The following COL23A1 variants were observed in gnomAD, a reference collection of about 807,000 sequenced individuals.
COL23A1 encodes collagen type XXIII alpha 1 chain, also known as collagen alpha-1(XXIII) chain.
COL23A1 carries 97 observed loss-of-function variants against 99.3 expected under a neutral mutation model. The observed-to-expected ratio is 0.98, with a 90% CI of 0.83 to 1.16. The LOEUF (loss-of-function observed/expected upper bound fraction) is 1.16. Among genes scored for constraint, COL23A1 ranks in the 50% most tolerant of loss-of-function variants. The pLI is 0.00. For synonymous variants in COL23A1, 320 were observed against 308.2 expected, an observed-to-expected ratio of 1.04 and a Z score of -0.40; for missense variants, 762 against 757.4, an observed-to-expected ratio of 1.01 and a Z score of -0.07.
intron 2 of COL23A1, among the ~76,000 whole-genome samples, chr5:178,465,113 G>A (rs934571101): frequency 6.6e-6 from 1 of 152,198 alleles, no homozygotes; most frequent in African/African-American, 2.4e-5. Context: ...GTCTTATTAA[G>A]TGCTCCTGAC....
intron 2 of COL23A1, among the ~76,000 whole-genome samples, chr5:178,556,877 C>T (rs1034788186): frequency 9.9e-5 from 15 of 151,216 alleles, no homozygotes; most frequent in Admixed American, 5.9e-4. Flanking sequence ...CGCTTGAATA[C>T]GGGAGGCAGA....
chr5:178,276,472 G>C (rs577361142), intron 5 of COL23A1, among the ~76,000 whole-genome samples: 8 of 152,214 alleles, frequency 5.3e-5, no homozygotes, highest in Non-Finnish European at 1.2e-4. Flanking sequence ...TTACACCCCA[G>C]ATGTTGACAA....
chr5:178,356,511 C>T (rs1410918694), intron 2 of COL23A1, among the ~76,000 whole-genome samples: 2 of 152,120 alleles, frequency 1.3e-5, no homozygotes, highest in African/African-American at 2.4e-5. Flanking sequence ...GGGGCCTGAG[C>T]CCTGGAGGCA....
chr5:178,502,206 A>G (rs1217163678), intron 2 of COL23A1, among the ~76,000 whole-genome samples: 1 of 152,106 alleles, frequency 6.6e-6, no homozygotes, highest in South Asian at 2.1e-4. Flanking sequence ...ATCTCGGCCC[A>G]CTGCAAGCTC....
intron 2 of COL23A1, among the ~76,000 whole-genome samples, chr5:178,460,708 C>T (rs189444661): frequency 1.3e-5 from 2 of 152,312 alleles, no homozygotes; most frequent in East Asian, 3.9e-4. Flanking sequence ...AATCCCTTTG[C>T]CCTGCTTTTC....
At chr5:178,393,293 C>T (rs1424887073) in intron 2 of COL23A1, among the ~76,000 whole-genome samples, 2 of 152,028 alleles carry the variant, frequency 1.3e-5, no homozygotes, top group East Asian at 1.9e-4. Flanking sequence ...GAAGAAGTCA[C>T]GGAAGGACAA....
chr5:178,466,562 GC>G (rs1756433489), intron 2 of COL23A1, among the ~76,000 whole-genome samples: 1 of 152,178 alleles, frequency 6.6e-6, no homozygotes, highest in Non-Finnish European at 1.5e-5. Flanking sequence ...CTCACCTTGA[GC>G]CCTGATGTCA....
At chr5:178,277,660 T>G (rs911291491) in intron 5 of COL23A1, among the ~76,000 whole-genome samples, 1 of 152,178 alleles carries the variant, frequency 6.6e-6, no homozygotes, top group Non-Finnish European at 1.5e-5. Flanking sequence ...TGGCTTCTAT[T>G]TTGGGGAGAG....
chr5:178,361,876 T>C (rs892160559), intron 2 of COL23A1, among the ~76,000 whole-genome samples: 8 of 152,074 alleles, frequency 5.3e-5, no homozygotes, highest in Admixed American at 2.6e-4. Context: ...AGGCTCCACA[T>C]CCTGACATTC....
intron 2 of COL23A1, among the ~76,000 whole-genome samples, chr5:178,372,983 G>A (rs1296932832): frequency 6.9e-6 from 1 of 145,084 alleles, no homozygotes; most frequent in East Asian, 2.0e-4. Context: ...AGGCTGGAGT[G>A]CAGTGTGCAA....
At chr5:178,263,820 G>A (rs1043572821) in intron 8 of COL23A1, among the ~76,000 whole-genome samples, 4 of 152,170 alleles carry the variant, frequency 2.6e-5, no homozygotes, top group Non-Finnish European at 2.9e-5. Context: ...CCTTTGGTAG[G>A]TGGAAGGTTA....
At chr5:178,513,386 C>A (rs1397778412) in intron 2 of COL23A1, among the ~76,000 whole-genome samples, 2 of 152,316 alleles carry the variant, frequency 1.3e-5, no homozygotes. Flanking sequence ...CAAGACCACA[C>A]AGCTGGAAAG....
At chr5:178,295,568 G>C (rs989570728) in intron 3 of COL23A1, among the ~76,000 whole-genome samples, 5 of 152,188 alleles carry the variant, frequency 3.3e-5, no homozygotes, top group Admixed American at 3.3e-4. Context: ...AGAGTGATCT[G>C]GCAATACTAA....
intron 5 of COL23A1, among the ~76,000 whole-genome samples, chr5:178,276,525 G>A (rs1756592520): frequency 6.6e-6 from 1 of 152,198 alleles, no homozygotes. Flanking sequence ...GTCCCAGCCT[G>A]GGAAGTGCAC....
intron 2 of COL23A1, among the ~76,000 whole-genome samples, chr5:178,356,626 A>G (rs1761668997): frequency 6.6e-6 from 1 of 152,156 alleles, no homozygotes; most frequent in African/African-American, 2.4e-5. Flanking sequence ...ACAGGAAAAA[A>G]AAGGCAAAGG....
intron 3 of COL23A1, among the ~76,000 whole-genome samples, chr5:178,302,500 C>T (rs1206700151): frequency 6.6e-6 from 1 of 152,250 alleles, no homozygotes; most frequent in African/African-American, 2.4e-5. Flanking sequence ...TGCTGGAGCA[C>T]GGCTTCGATG....
In COL23A1 at chr5:178,439,310, C is replaced by T. The variant is rs898741141; in HGVS notation, c.361+121372G>A. The T allele has an allele frequency of 9.2e-5, 14 of 152,250 alleles. No individual in the cohort carries two copies. The highest frequency in any genetic ancestry group is 3.4e-4 in the African/African-American group (14 of 41,438). 9.4% of individuals were successfully genotyped at this position (152,250 alleles called of 1,614,324 possible). A position where few individuals can be genotyped will look rare whatever the true frequency, so the allele number is the denominator to read the frequency against. On this transcript the variant is annotated intron_variant, in intron 2 of 28. Transcript: ENST00000390654. This position sits in a 1 kb window ranked among gnomAD's most constrained non-coding sequence, Gnocchi z 4.2. Reference sequence around the variant, plus strand: ...CTCCCAAGTCACCTCCATCTTTTCTCTCTCAGCCACTTGCTGATTGAGGCT... The same window carrying T: ...CTCCCAAGTCACCTCCATCTTTTCTTTCTCAGCCACTTGCTGATTGAGGCT...
chr5:178,467,543 C>T (rs1007049015), intron 2 of COL23A1, among the ~76,000 whole-genome samples: 10 of 152,180 alleles, frequency 6.6e-5, no homozygotes, highest in East Asian at 5.8e-4. Context: ...GGGCGGTAGT[C>T]GGAGGGAACC....
At chr5:178,358,625 GTA>G (rs1259399884) in intron 2 of COL23A1, among the ~76,000 whole-genome samples, 14 of 146,594 alleles carry the variant, frequency 9.6e-5, no homozygotes, top group South Asian at 2.2e-4. Flanking sequence ...ATGTATGTGT[GTA>G]TGTGTCTAGT....
Sources: allele counts gnomAD v4.1 joint callset (sites outside exome capture counted in the v4.1 genomes callset), GRCh38; gene constraint gnomAD v4.1.1; non-coding constraint Gnocchi (gnomAD v3.1); transcripts MANE v1.5; gene names NCBI Gene and HGNC (gene_info 2026-07-23, HGNC 2026-07-21).